LPIN2: variants seen among roughly 807,000 people sequenced by gnomAD.
The protein encoded by LPIN2 is phosphatidate phosphatase LPIN2.
Under a neutral mutation model 111.4 loss-of-function variants are expected in LPIN2, and 55 were observed. The observed-to-expected ratio is 0.49, with a 90% CI of 0.40 to 0.62. LPIN2 has a LOEUF of 0.62. LPIN2 is among the 20% of genes least tolerant of loss of function. The probability of loss-of-function intolerance (pLI) is 0.00; values close to 1 mark genes in which losing one functional copy is unlikely to be tolerated. For missense variants in LPIN2, 992 were observed against 1,112.1 expected (o/e 0.89, Z 1.54); for synonymous variants, 425 against 414.0 (o/e 1.03, Z -0.32).
chr18:2,922,015 G>C, intron 17 of LPIN2, 32 bp downstream of exon 17: 1 of 1,602,454 alleles, frequency 6.2e-7, no homozygotes, highest in South Asian at 1.1e-5. Flanking sequence ...ATGCTGGGGC[G>C]GTGGGCAGAG....
chr18:2,928,163 A>G (rs780615004), intron 11 of LPIN2, among the ~76,000 whole-genome samples: 4 of 152,202 alleles, frequency 2.6e-5, no homozygotes, highest in African/African-American at 7.2e-5. Flanking sequence ...TTAAAAACCA[A>G]TTGTGAGTTT....
chr18:2,987,447 A>C (rs139133963), intron 1 of LPIN2, among the ~76,000 whole-genome samples: 96 of 152,338 alleles, frequency 6.3e-4, no homozygotes, highest in African/African-American at 2.1e-3. Flanking sequence ...AATATAAGTG[A>C]AAATTATCAC....
chr18:2,975,141 G>A (rs986393480), intron 1 of LPIN2, among the ~76,000 whole-genome samples: 5 of 152,208 alleles, frequency 3.3e-5, no homozygotes, highest in African/African-American at 1.2e-4. Context: ...CTTATCTATA[G>A]TCTAGCAGTT....
chr18:2,998,318 T>C (rs1885488137), intron 1 of LPIN2, among the ~76,000 whole-genome samples: 1 of 152,210 alleles, frequency 6.6e-6, no homozygotes, highest in Non-Finnish European at 1.5e-5. Context: ...CTGACTTGCA[T>C]ACTAAGCTAC....
intron 18 of LPIN2, 43 bp downstream of exon 18, chr18:2,921,490 G>A: frequency 6.9e-7 from 1 of 1,456,606 alleles, no homozygotes; most frequent in Non-Finnish European, 9.6e-7. Context: ...ACATCCCTCT[G>A]AATTTCACCC....
At chr18:2,999,717 C>T (rs182801515) in intron 1 of LPIN2, among the ~76,000 whole-genome samples, 430 of 152,062 alleles carry the variant, frequency 2.8e-3, no homozygotes, top group Non-Finnish European at 3.8e-3. Context: ...AGCCAAGGAA[C>T]GCCAAAGGCT....
intron 1 of LPIN2, among the ~76,000 whole-genome samples, chr18:3,001,364 G>C (rs72871494): frequency 0.11 from 16,353 of 152,082 alleles, 1,083 homozygotes; most frequent in East Asian, 0.27. Flanking sequence ...CTGGTACTAA[G>C]AAATGTAAAC....
rs2077314172 is a variant in LPIN2 at position 2,937,990 on chromosome 18, A to C, written c.870T>G (p.Ile290Met). 1 of 1,614,048 alleles carries C rather than the reference A, an allele frequency of 6.2e-7. No individual in the cohort carries two copies. Among genetic ancestry groups the C allele is most frequent in the African/African-American group, 1.3e-5 (1 of 74,918 alleles). The change falls in exon 7 of 20, where the codon ATT becomes ATG. Residue 290 changes from isoleucine (I) to methionine (M), a missense_variant. Coordinates refer to ENST00000677752, the MANE Select transcript of LPIN2 (RefSeq NM_001375808.2). The part of the protein sequence containing the change: ...RSDHHPRTAT[I>M]TPSENTHFRV... ...GAAAATGAGTATTTTCTGATGGTGT[A>C]ATTGTAGCTGTCCTAGGATGATGGT...
chr18:3,011,474 C>T (rs895271505), intron 1 of LPIN2, among the ~76,000 whole-genome samples: 25 of 152,106 alleles, frequency 1.6e-4, no homozygotes, highest in Admixed American at 5.9e-4. Context: ...CACCTGAGGT[C>T]GGCAGTTCGA....
intron 13 of LPIN2, among the ~76,000 whole-genome samples, chr18:2,926,270 G>A (rs1378482583): frequency 2.6e-5 from 4 of 152,234 alleles, no homozygotes; most frequent in Admixed American, 2.6e-4. Flanking sequence ...ACTGGCCGGG[G>A]GAGGTGGACA....
intron 9 of LPIN2, among the ~76,000 whole-genome samples, 198 bp from the exon 10 acceptor site, chr18:2,929,356 T>C (rs944671222): frequency 2.0e-5 from 3 of 152,190 alleles, no homozygotes; most frequent in Admixed American, 1.3e-4. Context: ...TCTATTCTCC[T>C]TTTCCACTGT....
rs192764765 is a variant in LPIN2, at chr18:2,970,846, G to A, written c.-9-9997C>T. On this transcript the variant is annotated intron_variant, in intron 1 of 19. Transcript: ENST00000677752. ...TTAGGATTTTTGGATCTGTCACCAT[G>A]TTATTTCCTTTGAGGGAATCTGAAA... Among the ~76,000 whole-genome samples, 479 of 152,316 alleles carry A rather than the reference G, an allele frequency of 3.1e-3. 2 individuals carry two copies. The highest frequency in any genetic ancestry group is 5.1e-3 in the Non-Finnish European group (344 of 68,036).
chr18:2,921,327 A>G, intron 18 of LPIN2: 1 of 618,336 alleles, frequency 1.6e-6, no homozygotes, highest in Non-Finnish European at 2.9e-6. Context: ...CGTCCTTCGT[A>G]TAAATTCTGG....
intron 1 of LPIN2, among the ~76,000 whole-genome samples, chr18:3,003,975 G>A (rs577129806): frequency 1.3e-5 from 2 of 151,768 alleles, no homozygotes; most frequent in Non-Finnish European, 2.9e-5. Context: ...ATGCATTCCT[G>A]GGGGGAGGTC....
rs1392811276 is a variant in LPIN2, at chr18:2,951,255, T to C, written c.390A>G (p.Thr130=). 1 of 1,613,826 alleles carries C rather than the reference T, an allele frequency of 6.2e-7. No individual in the cohort carries two copies. The highest frequency in any genetic ancestry group is 1.3e-5 in the African/African-American group (1 of 74,878). The change falls in exon 4 of 20, where the codon ACA becomes ACG. Residue 130 remains threonine (T), a synonymous_variant. Coordinates refer to ENST00000677752, the MANE Select transcript of LPIN2 (RefSeq NM_001375808.2). ...TPLVKSGGDE[T]PSQSSDISHV... ...GTGAGATGTCTGAACTCTGAGATGGTGTTTCATCTCCACCCGATTTCACCA... is the reference window on the plus strand; with the variant it reads ...GTGAGATGTCTGAACTCTGAGATGGCGTTTCATCTCCACCCGATTTCACCA...
intron 1 of LPIN2, among the ~76,000 whole-genome samples, chr18:2,999,937 C>T (rs1262069651): frequency 6.6e-6 from 1 of 151,958 alleles, no homozygotes; most frequent in African/African-American, 2.4e-5. Flanking sequence ...ACCTGTAATC[C>T]CAGCACTTCA....
At chr18:2,979,489 C>T (rs1327489902) in intron 1 of LPIN2, among the ~76,000 whole-genome samples, 6 of 152,142 alleles carry the variant, frequency 3.9e-5, no homozygotes, top group Non-Finnish European at 5.9e-5. Flanking sequence ...GATTTACATG[C>T]ATCTACTGGA....
chr18:3,004,263 C>T (rs1598614900), intron 1 of LPIN2, among the ~76,000 whole-genome samples: 3 of 152,160 alleles, frequency 2.0e-5, no homozygotes, highest in Admixed American at 2.0e-4. Context: ...GTGACCTACT[C>T]CCTGTTCATA....
intron 12 of LPIN2, among the ~76,000 whole-genome samples, chr18:2,927,457 C>T (rs545818699): frequency 9.8e-4 from 149 of 152,264 alleles, no homozygotes; most frequent in Non-Finnish European, 2.0e-3. Context: ...GCCCCAGCTC[C>T]GTCTCTCACC....
Sources: allele counts gnomAD v4.1 joint callset (sites outside exome capture counted in the v4.1 genomes callset), GRCh38; gene constraint gnomAD v4.1.1; transcripts MANE v1.5; gene names NCBI Gene and HGNC (gene_info 2026-07-23, HGNC 2026-07-21).